The following NYAP2 variants were observed in gnomAD, a reference collection of about 807,000 sequenced individuals.
The protein encoded by NYAP2 is neuronal tyrosine-phosphorylated phosphoinositide-3-kinase adapter 2.
Under a neutral mutation model 50.4 loss-of-function variants are expected in NYAP2, and 23 were observed. The observed-to-expected ratio is 0.46, with a 90% CI of 0.33 to 0.65. The LOEUF (loss-of-function observed/expected upper bound fraction) is 0.65. Ranked by LOEUF, NYAP2 falls within the 30% of genes least tolerant of loss-of-function variation. NYAP2 has a pLI of 0.02. For missense variants in NYAP2, 885 were observed against 861.0 expected (o/e 1.03, Z -0.35); for synonymous variants, 394 against 365.2 (o/e 1.08, Z -0.90).
At chr2:225,431,123 A>G (rs1485851013) in intron 3 of NYAP2, among the ~76,000 whole-genome samples, 1 of 152,180 alleles carries the variant, frequency 6.6e-6, no homozygotes, top group African/African-American at 2.4e-5. Flanking sequence ...ATAAAATAAA[A>G]TAAATTCTGT....
intron 6 of NYAP2, among the ~76,000 whole-genome samples, chr2:225,628,707 G>C (rs1160632736): frequency 1.3e-5 from 2 of 152,062 alleles, no homozygotes; most frequent in Non-Finnish European, 2.9e-5. Flanking sequence ...TGATTAGTTT[G>C]GGGCTTATCA....
chr2:225,399,168 G>A (rs1694817082), upstream of NYAP2, among the ~76,000 whole-genome samples: 1 of 152,044 alleles, frequency 6.6e-6, no homozygotes, highest in African/African-American at 2.4e-5. Context: ...TCACTATCAA[G>A]TAATAAGCAC....
chr2:225,694,082 T>C, the NYAP2 span, among the ~76,000 whole-genome samples: 69 of 152,244 alleles, frequency 4.5e-4, no homozygotes, highest in African/African-American at 1.6e-3. Flanking sequence ...CAGTTAACTT[T>C]TGATGTGTAC....
At chr2:225,434,692 C>T (rs1689345998) in intron 3 of NYAP2, among the ~76,000 whole-genome samples, 1 of 152,128 alleles carries the variant, frequency 6.6e-6, no homozygotes. Flanking sequence ...TTTCATAATA[C>T]AGAAATACAT....
At chr2:225,576,760 G>A (rs1301457833) in intron 4 of NYAP2, among the ~76,000 whole-genome samples, 1 of 152,120 alleles carries the variant, frequency 6.6e-6, no homozygotes, top group Non-Finnish European at 1.5e-5. Context: ...TTCCTTTATG[G>A]GTTTCTTTGT....
intron 3 of NYAP2, among the ~76,000 whole-genome samples, chr2:225,496,326 T>C (rs1324239540): frequency 6.6e-6 from 1 of 152,096 alleles, no homozygotes; most frequent in Non-Finnish European, 1.5e-5. Flanking sequence ...AAAATATCTT[T>C]GGGGAGAAGA....
intron 4 of NYAP2, among the ~76,000 whole-genome samples, chr2:225,560,172 T>C (rs904063011): frequency 3.9e-5 from 6 of 152,104 alleles, no homozygotes; most frequent in African/African-American, 1.4e-4. Flanking sequence ...TATATATGCA[T>C]AATAGACACT....
intron 3 of NYAP2, among the ~76,000 whole-genome samples, chr2:225,412,752 G>C (rs569937988): frequency 6.6e-6 from 1 of 152,130 alleles, no homozygotes; most frequent in South Asian, 2.1e-4. Context: ...CTGGAGGCTT[G>C]GGTCTAGGAT....
chr2:225,491,294 A>G lies in NYAP2; in HGVS notation c.222-22077A>G, dbSNP rs138486023. On this transcript the variant is annotated intron_variant, in intron 3 of 6. Coordinates refer to ENST00000636099, the Ensembl canonical transcript of NYAP2. ...AACTTGCTCTTTAAGGAGTTAGTGAATTCCTTAGCCTGGTTGAGGTGCGAG... is the reference window on the plus strand; with the variant it reads ...AACTTGCTCTTTAAGGAGTTAGTGAGTTCCTTAGCCTGGTTGAGGTGCGAG... 7.9e-5 allele frequency among the ~76,000 whole-genome samples: 12 copies of G among 152,344 alleles called. 1 individual carries two copies. Among genetic ancestry groups the G allele is most frequent in the African/African-American group, 2.9e-4 (12 of 41,582 alleles).
the NYAP2 span, among the ~76,000 whole-genome samples, chr2:225,687,791 G>T: frequency 3.9e-5 from 6 of 152,146 alleles, no homozygotes; most frequent in Non-Finnish European, 8.8e-5. Flanking sequence ...TTACTTGCAT[G>T]TTGTACCCAG....
intron 3 of NYAP2, among the ~76,000 whole-genome samples, chr2:225,483,700 G>T (rs1690245342): frequency 6.6e-6 from 1 of 152,162 alleles, no homozygotes; most frequent in South Asian, 2.1e-4. Flanking sequence ...TTTACAGGGA[G>T]AATGGAAAGT....
At chr2:225,507,563 C>T (rs1020224798) in intron 3 of NYAP2, among the ~76,000 whole-genome samples, 1 of 152,178 alleles carries the variant, frequency 6.6e-6, no homozygotes, top group African/African-American at 2.4e-5. Flanking sequence ...ATGAGGGCTA[C>T]AGTTGCCTAG....
the NYAP2 span, chr2:225,701,608 C>T: frequency 6.6e-6 from 1 of 151,780 alleles, no homozygotes; most frequent in Non-Finnish European, 1.5e-5. Flanking sequence ...TCACATCTCT[C>T]CCATGTTTAT....
intron 3 of NYAP2, among the ~76,000 whole-genome samples, chr2:225,432,062 C>A (rs1201434935): frequency 6.6e-6 from 1 of 151,962 alleles, no homozygotes; most frequent in Non-Finnish European, 1.5e-5. Flanking sequence ...CTCCGTCTCC[C>A]AGGTTCATGC....
chr2:225,402,162 T>A (rs1307028416), intron 2 of NYAP2, among the ~76,000 whole-genome samples: 1 of 151,980 alleles, frequency 6.6e-6, no homozygotes, highest in Non-Finnish European at 1.5e-5. Context: ...ATAGACAGTT[T>A]AGAGAATTAG....
At chr2:225,618,423 T>C (rs760238809) in intron 5 of NYAP2, among the ~76,000 whole-genome samples, 12 of 152,232 alleles carry the variant, frequency 7.9e-5, no homozygotes, top group Non-Finnish European at 1.8e-4. Flanking sequence ...GTTATTGTAA[T>C]TGCCAAGGTG....
At chr2:225,530,730 C>G (rs1052149572) in intron 4 of NYAP2, among the ~76,000 whole-genome samples, 1 of 152,194 alleles carries the variant, frequency 6.6e-6, no homozygotes, top group Non-Finnish European at 1.5e-5. Flanking sequence ...CTGTAGATAT[C>G]ACAGAGAGCC....
the NYAP2 span, among the ~76,000 whole-genome samples, chr2:225,687,341 CTA>C: frequency 1.3e-5 from 2 of 152,034 alleles, no homozygotes; most frequent in Non-Finnish European, 2.9e-5. Context: ...GTTGATACTG[CTA>C]TGTTTATTTT....
chr2:225,454,659 A>G (rs1205884859), intron 3 of NYAP2, among the ~76,000 whole-genome samples: 1 of 152,152 alleles, frequency 6.6e-6, no homozygotes, highest in Admixed American at 6.5e-5. Flanking sequence ...TTAGGTTCTC[A>G]TAGGAGCATG....
Sources: gnomAD v4.1 joint callset for allele counts (sites outside exome capture counted in the v4.1 genomes callset) on GRCh38, gnomAD v4.1.1 for gene constraint, MANE v1.5 for transcripts, NCBI Gene and HGNC (gene_info 2026-07-23, HGNC 2026-07-21) for gene names.